Variants in C1orf21 observed in about 807,000 individuals in gnomAD.
C1orf21 encodes uncharacterized protein C1orf21.
A neutral mutation model predicts 18.7 loss-of-function variants in C1orf21; 3 were observed. The observed-to-expected ratio is 0.16, with a 90% confidence interval of 0.07 to 0.42. The LOEUF is 0.42. C1orf21 is among the 10% of genes least tolerant of loss of function. The pLI is 0.99. For missense variants in C1orf21, 104 were observed against 143.6 expected, an observed-to-expected ratio of 0.72 and a Z score of 1.41; for synonymous variants, 41 against 46.4, an observed-to-expected ratio of 0.88 and a Z score of 0.47.
chr1:184,396,330 T>G lies in C1orf21; in HGVS notation c.-125+8962T>G, dbSNP rs902846097. ...AGAACAAGTGAACTGTAGTACTAACTAGGAGGGAGATACTGAGAACTGAAA... is the reference window on the plus strand; with the variant it reads ...AGAACAAGTGAACTGTAGTACTAACGAGGAGGGAGATACTGAGAACTGAAA... On this transcript the variant is annotated intron_variant, in intron 1 of 5. Coordinates refer to ENST00000235307, the MANE Select transcript of C1orf21 (RefSeq NM_030806.4). Among the ~76,000 whole-genome samples the G allele has an allele frequency of 1.1e-4, 17 of 152,050 alleles. No individual in the cohort carries two copies. The East Asian group carries it at 3.3e-3, about 29-fold the overall frequency.
intron 1 of C1orf21, among the ~76,000 whole-genome samples, chr1:184,439,593 C>T (rs1656913522): frequency 6.6e-6 from 1 of 151,950 alleles, no homozygotes; most frequent in African/African-American, 2.4e-5. Flanking sequence ...GCTAACAATG[C>T]CTAGATTTAT....
At chr1:184,458,184 C>T (rs1259095836) in intron 1 of C1orf21, among the ~76,000 whole-genome samples, 2 of 152,088 alleles carry the variant, frequency 1.3e-5, no homozygotes, top group African/African-American at 2.4e-5. Context: ...GTGGGGGATA[C>T]GTGACTAAGG....
intron 2 of C1orf21, 43 bp downstream of exon 2, chr1:184,477,646 C>T: frequency 1.3e-6 from 2 of 1,512,600 alleles, no homozygotes; most frequent in Non-Finnish European, 1.8e-6. Context: ...TGATTCTAGG[C>T]CTTTCACTTT....
intron 1 of C1orf21, chr1:184,412,179 C>T (rs1237541733): frequency 6.6e-6 from 1 of 152,198 alleles, no homozygotes; most frequent in Admixed American, 6.5e-5. Context: ...ATGATGAAGC[C>T]AGGTTTAATT....
intron 2 of C1orf21, among the ~76,000 whole-genome samples, chr1:184,501,900 G>A (rs1657981634): frequency 6.6e-6 from 1 of 152,036 alleles, no homozygotes; most frequent in Non-Finnish European, 1.5e-5. Flanking sequence ...AAGAAAAAAA[G>A]GGCAAAGGAT....
intron 3 of C1orf21, among the ~76,000 whole-genome samples, chr1:184,572,394 T>C (rs1394290124): frequency 6.6e-6 from 1 of 152,222 alleles, no homozygotes; most frequent in South Asian, 2.1e-4. Flanking sequence ...CCAGTATACA[T>C]GCTATTCTGT....
intron 1 of C1orf21, among the ~76,000 whole-genome samples, chr1:184,417,968 C>T (rs1656481577): frequency 6.6e-6 from 1 of 152,162 alleles, no homozygotes; most frequent in East Asian, 1.9e-4. Flanking sequence ...GTCTTTGGTT[C>T]AGGAGTTGGT....
At chr1:184,595,779 C>T (rs1452086676) in intron 4 of C1orf21, among the ~76,000 whole-genome samples, 1 of 152,160 alleles carries the variant, frequency 6.6e-6, no homozygotes, top group Non-Finnish European at 1.5e-5. Flanking sequence ...ATCAAGCTTC[C>T]TTCCATTCAG....
intron 4 of C1orf21, chr1:184,592,281 A>G (rs1659450116): frequency 6.6e-6 from 1 of 152,212 alleles, no homozygotes. Context: ...GAAGAAAAAG[A>G]TTATATCACG....
intron 1 of C1orf21, among the ~76,000 whole-genome samples, chr1:184,451,117 A>G (rs1283235214): frequency 6.6e-6 from 1 of 152,186 alleles, no homozygotes; most frequent in African/African-American, 2.4e-5. Flanking sequence ...ACCTCAGGTG[A>G]TCCGTCTGCC....
intron 1 of C1orf21, among the ~76,000 whole-genome samples, chr1:184,422,242 C>T (rs907951217): frequency 6.6e-6 from 1 of 152,242 alleles, no homozygotes; most frequent in African/African-American, 2.4e-5. Flanking sequence ...CGAAACTCAG[C>T]TCGAATATCA....
chr1:184,453,890 G>T (rs1187065718), intron 1 of C1orf21, among the ~76,000 whole-genome samples: 2 of 152,198 alleles, frequency 1.3e-5, no homozygotes, highest in African/African-American at 4.8e-5. Flanking sequence ...TGAAAGAGAA[G>T]AGAGATTATA....
Position 184,619,502 on chromosome 1 carries a change from T to G in C1orf21, c.328-16T>G, listed in dbSNP as rs754487537. On this transcript the variant is annotated splice_polypyrimidine_tract_variant and intron_variant, in intron 5 of 5. Transcript: ENST00000235307. ...AATTTCTCATTCACATGCTCTTTTT[T>G]CTTTTTCCCTCCAAGGGTCGGGATT... The G allele has an allele frequency of 6.2e-7, 1 of 1,610,704 alleles. No homozygotes were observed.
At chr1:184,456,343 T>G (rs980418741) in intron 1 of C1orf21, among the ~76,000 whole-genome samples, 4 of 152,222 alleles carry the variant, frequency 2.6e-5, no homozygotes, top group Admixed American at 1.3e-4. Context: ...GTATATATAC[T>G]GAAACCCGAT....
At chr1:184,538,351 T>C (rs1451200809) in intron 3 of C1orf21, among the ~76,000 whole-genome samples, 2 of 152,246 alleles carry the variant, frequency 1.3e-5, no homozygotes, top group Non-Finnish European at 2.9e-5. Context: ...GAATTCTATA[T>C]ATATTTTGAT....
intron 3 of C1orf21, among the ~76,000 whole-genome samples, chr1:184,555,867 C>T (rs913177116): frequency 3.3e-5 from 5 of 152,290 alleles, no homozygotes; most frequent in East Asian, 1.9e-4. Context: ...ATTACCTCTG[C>T]GAGGATCCGC....
Position 184,525,762 on chromosome 1 carries a change from G to A in C1orf21, c.189+18080G>A, listed in dbSNP as rs575440284. Among the ~76,000 whole-genome samples the A allele has an allele frequency of 6.4e-4, 97 of 152,116 alleles. 1 individual carries two copies. Among genetic ancestry groups the A allele is most frequent in the Non-Finnish European group, 1.3e-3 (89 of 68,002 alleles). On this transcript the variant is annotated intron_variant, in intron 3 of 5. Coordinates refer to ENST00000235307, the MANE Select transcript of C1orf21 (RefSeq NM_030806.4). ...ATACAAAAAGCATTTAAAACACAAG[G>A]ATTTACAGCTGGGCAGAACAGCAGG... is the stretch of plus-strand genomic sequence containing the variant.
intron 2 of C1orf21, among the ~76,000 whole-genome samples, chr1:184,478,691 C>T (rs1657609060): frequency 6.6e-6 from 1 of 152,066 alleles, no homozygotes; most frequent in Admixed American, 6.6e-5. Flanking sequence ...TGAGATTGGC[C>T]CTTAGATGAT....
intron 1 of C1orf21, among the ~76,000 whole-genome samples, chr1:184,460,620 G>GTCGTCTTCTTCTTCT (rs1284129710): frequency 7.4e-4 from 83 of 112,086 alleles, no homozygotes; most frequent in African/African-American, 3.1e-3. Context: ...TGTCGTCGTC[G>GTCGTCTTCTTCTTCT]TCTTCTTCTT....
Sources: gnomAD v4.1 joint callset for allele counts (sites outside exome capture counted in the v4.1 genomes callset) on GRCh38, gnomAD v4.1.1 for gene constraint, MANE v1.5 for transcripts, NCBI Gene and HGNC (gene_info 2026-07-23, HGNC 2026-07-21) for gene names.